The following PHF21A variants were observed in gnomAD, a reference collection of about 807,000 sequenced individuals.
PHF21A encodes the protein PHD finger protein 21A.
Under a neutral mutation model 82.5 loss-of-function variants are expected in PHF21A, and 11 were observed. That is an observed-to-expected ratio of 0.13 (90% confidence interval 0.08 to 0.22). The LOEUF is 0.22. Among genes scored for constraint, PHF21A ranks in the 10% least tolerant of loss-of-function variants. The pLI is 1.00. For missense variants in PHF21A, 579 were observed against 837.8 expected (o/e 0.69, Z 3.81); for synonymous variants, 297 against 302.8 (o/e 0.98, Z 0.20).
intron 6 of PHF21A, among the ~76,000 whole-genome samples, chr11:46,052,925 G>A (rs951296377): frequency 2.6e-4 from 40 of 152,164 alleles, no homozygotes; most frequent in African/African-American, 9.2e-4. Context: ...GTGTGTGTGA[G>A]TGCCCATGCA....
intron 1 of PHF21A, among the ~76,000 whole-genome samples, chr11:46,094,535 G>A (rs749202903): frequency 5.9e-5 from 9 of 152,046 alleles, no homozygotes; most frequent in Non-Finnish European, 1.2e-4. Context: ...AAACACTAGC[G>A]AAATATTTTT....
At chr11:45,954,240 A>G (rs1372361234) in intron 10 of PHF21A, among the ~76,000 whole-genome samples, 2 of 152,000 alleles carry the variant, frequency 1.3e-5, no homozygotes, top group Non-Finnish European at 2.9e-5. Context: ...CAGGTGATCC[A>G]CCCACCTCAG....
chr11:46,043,212 TG>T, intron 6 of PHF21A, among the ~76,000 whole-genome samples: 1 of 152,244 alleles, frequency 6.6e-6, no homozygotes, highest in East Asian at 1.9e-4. Context: ...AAATAAATGA[TG>T]TGGGAATAAG....
At chr11:46,120,158 C>A (rs1335748322) in intron 1 of PHF21A, among the ~76,000 whole-genome samples, 2 of 150,010 alleles carry the variant, frequency 1.3e-5, no homozygotes, top group Non-Finnish European at 3.0e-5. Context: ...AACACACACA[C>A]TGGGGCCCGG....
intron 2 of PHF21A, among the ~76,000 whole-genome samples, chr11:46,091,807 C>T (rs1308021622): frequency 6.7e-6 from 1 of 148,622 alleles, no homozygotes; most frequent in Non-Finnish European, 1.5e-5. Context: ...CCTGCCTCAG[C>T]TTCCTAAGTA....
rs57129803 is a variant in PHF21A at position 45,938,784 on chromosome 11, G to A, written c.1453-472C>T. Among the ~76,000 whole-genome samples, 610 of 151,498 alleles carry A rather than the reference G, an allele frequency of 4.0e-3. 2 individuals are homozygous for A. The highest frequency in any genetic ancestry group is 0.014 in the African/African-American group (564 of 41,304). ...ATTTTCAGACTGCAGTTGACTATGC[G>A]TAACTGAAACAATAAGAAGTGAAAC... On this transcript the variant is annotated intron_variant, in intron 15 of 18. Transcript: ENST00000676320.
chr11:46,060,853 T>A (rs1271066403), intron 6 of PHF21A, among the ~76,000 whole-genome samples: 1 of 152,238 alleles, frequency 6.6e-6, no homozygotes, highest in Non-Finnish European at 1.5e-5. Context: ...TTTGCTCAAT[T>A]GCTTTTGCAC....
chr11:45,952,483 G>C (rs954943459), intron 11 of PHF21A, among the ~76,000 whole-genome samples: 1 of 152,142 alleles, frequency 6.6e-6, no homozygotes, highest in Admixed American at 6.5e-5. Flanking sequence ...CTTTGATAGG[G>C]AAATTTTGCT....
chr11:46,030,348 G>A (rs993872755), intron 6 of PHF21A, among the ~76,000 whole-genome samples: 5 of 152,286 alleles, frequency 3.3e-5, no homozygotes, highest in East Asian at 3.9e-4. Flanking sequence ...ATAACAAGAC[G>A]ATCCTGCACG....
intron 6 of PHF21A, among the ~76,000 whole-genome samples, chr11:46,025,095 T>G (rs922601196): frequency 6.6e-6 from 1 of 151,998 alleles, no homozygotes; most frequent in Admixed American, 6.6e-5. Flanking sequence ...AAACACACAC[T>G]GCCTATCCAC....
intron 15 of PHF21A, among the ~76,000 whole-genome samples, chr11:45,943,212 T>C (rs933666078): frequency 7.1e-6 from 1 of 140,654 alleles, no homozygotes; most frequent in Non-Finnish European, 1.5e-5. Flanking sequence ...AGCCTCAGCC[T>C]CCCATGCTCA....
At chr11:46,118,026 T>C (rs747643238) in intron 1 of PHF21A, 7 of 152,234 alleles carry the variant, frequency 4.6e-5, no homozygotes, top group Non-Finnish European at 8.8e-5. Context: ...ATTTCCTTTA[T>C]CTTGCTGTAG....
intron 6 of PHF21A, among the ~76,000 whole-genome samples, chr11:45,984,206 G>A (rs2094414781): frequency 6.6e-6 from 1 of 152,116 alleles, no homozygotes; most frequent in Non-Finnish European, 1.5e-5. Context: ...AAGACGGAAG[G>A]GAGAGAGGGA....
rs142562959 is a variant in PHF21A, at chr11:45,973,539, G to C, written c.361-2172C>G. 8.5e-3 allele frequency among the ~76,000 whole-genome samples: 1,300 copies of C among 152,344 alleles called. 20 individuals carry two copies. The highest frequency in any genetic ancestry group is 0.029 in the African/African-American group (1,215 of 41,578). On this transcript the variant is annotated intron_variant, in intron 7 of 18. Coordinates refer to ENST00000676320, the MANE Select transcript of PHF21A (RefSeq NM_001352027.3). ...TTGCCTCCTTAAATGTGAAATGAGA[G>C]TAAACGCGGAACACTGATATTTATT...
At chr11:46,016,022 T>C (rs2137593253) in intron 6 of PHF21A, among the ~76,000 whole-genome samples, 1 of 152,320 alleles carries the variant, frequency 6.6e-6, no homozygotes, top group South Asian at 2.1e-4. Flanking sequence ...AAATATGTAC[T>C]GTACATAATT....
At chr11:46,034,844 T>C (rs192364967) in intron 6 of PHF21A, among the ~76,000 whole-genome samples, 20 of 152,340 alleles carry the variant, frequency 1.3e-4, no homozygotes, top group African/African-American at 4.1e-4. Context: ...ATAGTGGGCA[T>C]GTGACCCTGG....
At chr11:45,974,263 C>T (rs553824585) in intron 7 of PHF21A, among the ~76,000 whole-genome samples, 1 of 152,204 alleles carries the variant, frequency 6.6e-6, no homozygotes, top group South Asian at 2.1e-4. Context: ...TACTCTGGTG[C>T]TTCTTCTTTC....
intron 6 of PHF21A, among the ~76,000 whole-genome samples, chr11:45,987,251 A>AATGTATGTATGTATGTATGT (rs57573859): frequency 0.034 from 5,080 of 148,500 alleles, 155 homozygotes; most frequent in African/African-American, 0.066. Flanking sequence ...ATCATAAATA[A>AATGTATGTATGTATGTATGT]ATGTATGTAT....
chr11:46,087,587 T>G (rs2096871632), intron 3 of PHF21A, among the ~76,000 whole-genome samples: 1 of 152,230 alleles, frequency 6.6e-6, no homozygotes, highest in Non-Finnish European at 1.5e-5. Context: ...TGGATAGTAA[T>G]TTTAAGAGAC....
Sources: gnomAD v4.1 joint callset for allele counts (sites outside exome capture counted in the v4.1 genomes callset) on GRCh38, gnomAD v4.1.1 for gene constraint, MANE v1.5 for transcripts, NCBI Gene and HGNC (gene_info 2026-07-23, HGNC 2026-07-21) for gene names.